Variants in FAM171B observed in about 807,000 individuals in gnomAD.
The protein encoded by FAM171B is family with sequence similarity 171 member B.
In FAM171B, 19 loss-of-function variants were observed where a neutral mutation model predicts 75.6. That is an observed-to-expected ratio of 0.25 (90% CI 0.18 to 0.37). The LOEUF (loss-of-function observed/expected upper bound fraction) is 0.37. Among genes scored for constraint, FAM171B ranks in the 10% least tolerant of loss-of-function variants. FAM171B has a pLI of 1.00. For missense variants in FAM171B, 848 were observed against 982.4 expected (o/e 0.86, Z 1.83); for synonymous variants, 367 against 361.7 (o/e 1.01, Z -0.17).
chr2:186,741,468 A>T (rs529730372), intron 2 of FAM171B, among the ~76,000 whole-genome samples: 2 of 152,248 alleles, frequency 1.3e-5, no homozygotes, highest in Non-Finnish European at 2.9e-5. Context: ...TAAAGAATTC[A>T]TACAAATCAA....
chr2:186,708,252 C>A (rs529720371), intron 1 of FAM171B, among the ~76,000 whole-genome samples: 1 of 152,036 alleles, frequency 6.6e-6, no homozygotes, highest in Non-Finnish European at 1.5e-5. Context: ...ATACCTGCTT[C>A]GAAAAGCAAA....
At chr2:186,726,998 ATC>A in intron 1 of FAM171B, among the ~76,000 whole-genome samples, 1 of 151,868 alleles carries the variant, frequency 6.6e-6, no homozygotes, top group East Asian at 1.9e-4. Context: ...GCCACTTCTG[ATC>A]TCTTTCTCCT....
Position 186,743,424 on chromosome 2 carries a change from G to T in FAM171B, c.473-59G>T. 6 of 1,173,012 alleles carry T rather than the reference G, an allele frequency of 5.1e-6. No individual in the cohort carries two copies. In the South Asian group the frequency reaches 6.5e-5, roughly 13 times the overall value. The allele number at this position is 1,173,012 out of a possible 1,614,324, so 72.7% of individuals were successfully genotyped here. A position where few individuals can be genotyped will look rare whatever the true frequency, so the allele number is the denominator to read the frequency against. ...GACTTGCTGTTACAGAACTATATTT[G>T]TCCTAGTTTTTTTCCCCTCACATTA... is the stretch of plus-strand genomic sequence containing the variant. On this transcript the variant is annotated intron_variant, in intron 2 of 7. Transcript: ENST00000304698.
Position 186,761,168 on chromosome 2 carries a change from T to TA in FAM171B, c.1069dup (p.Thr357AsnfsTer38). ...TAACTGCCTACCACACAGTGTTTCT[T>TA]ACAGCCATATTAGGAGGAACAATAG... is the stretch of plus-strand genomic sequence containing the variant. On this transcript the variant is annotated frameshift_variant, in exon 7 of 8. Transcript: ENST00000304698. LOFTEE classifies it high-confidence loss of function. 1 of 1,612,674 alleles carries TA rather than the reference T, an allele frequency of 6.2e-7. No individual in the cohort carries two copies. Among genetic ancestry groups the TA allele is most frequent in the Non-Finnish European group, 8.5e-7 (1 of 1,179,174 alleles).
chr2:186,753,839 C>T (rs1690492473), intron 5 of FAM171B, 94 bp from the exon 6 acceptor site: 1 of 886,750 alleles, frequency 1.1e-6, no homozygotes, highest in African/African-American at 1.7e-5. Context: ...CCACAGTTTT[C>T]ATAATCTTTG....
At chr2:186,710,468 G>A (rs1321664718) in intron 1 of FAM171B, among the ~76,000 whole-genome samples, 1 of 152,116 alleles carries the variant, frequency 6.6e-6, no homozygotes, top group Non-Finnish European at 1.5e-5. Context: ...CCAACTTGGA[G>A]GGCATGGAAT....
chr2:186,762,773 A>T lies in FAM171B; in HGVS notation c.2431A>T (p.Thr811Ser). Residue 811 changes from threonine to serine, a missense_variant, in exon 8 of 8, where the codon ACT (threonine) becomes TCT (serine). By Grantham distance (58) the Thr-to-Ser change is moderately conservative. This residue lies in a region of FAM171B where 136 missense variants were observed against 159.3 expected (regional missense o/e 0.85). Transcript: ENST00000304698. This position sits in a 1 kb window ranked among gnomAD's most constrained non-coding sequence, Gnocchi z 4.0. ...RPPLAKRDSK[T>S]NIWKKREERP... ...ACCACTAGCCAAAAGAGATAGCAAG[A>T]CTAACATCTGGAAGAAGCGAGAGGA... 6.2e-7 allele frequency: 1 copy of T among 1,613,252 alleles called. No individual in the cohort carries two copies.
intron 1 of FAM171B, among the ~76,000 whole-genome samples, chr2:186,701,238 G>T (rs1689655959): frequency 6.6e-6 from 1 of 151,994 alleles, no homozygotes; most frequent in Non-Finnish European, 1.5e-5. Context: ...TTTTTAAATT[G>T]TACATATTAT....
At chr2:186,757,461 G>C (rs1437869568) in intron 6 of FAM171B, among the ~76,000 whole-genome samples, 1 of 151,958 alleles carries the variant, frequency 6.6e-6, no homozygotes, top group Non-Finnish European at 1.5e-5. Flanking sequence ...AATATTTTAG[G>C]ATGTATTACT....
At chr2:186,723,640 CT>C (rs1228851271) in intron 1 of FAM171B, among the ~76,000 whole-genome samples, 4 of 151,984 alleles carry the variant, frequency 2.6e-5, no homozygotes, top group Admixed American at 6.6e-5. Context: ...ATTTTAAATC[CT>C]TTTTTAACCT....
rs559003600 is a variant in FAM171B, at chr2:186,740,042, T to C, written c.239-186T>C. Among the ~76,000 whole-genome samples, 3 of 152,356 alleles carry C rather than the reference T, an allele frequency of 2.0e-5. No homozygotes were observed. In the South Asian group the frequency reaches 6.2e-4, roughly 32 times the overall value. ...GAAATGTTGCTATGGAGCACTTAACTGTATTGAAATTTATTTCGTTTTACA... is the reference window on the plus strand; with the variant it reads ...GAAATGTTGCTATGGAGCACTTAACCGTATTGAAATTTATTTCGTTTTACA... On this transcript the variant is annotated intron_variant, in intron 1 of 7. Transcript: ENST00000304698.
intron 5 of FAM171B, among the ~76,000 whole-genome samples, chr2:186,751,852 G>T (rs1690459701): frequency 6.6e-6 from 1 of 152,036 alleles, no homozygotes; most frequent in African/African-American, 2.4e-5. Context: ...TGTAAATAAG[G>T]TAGGAGTGTA....
chr2:186,738,026 G>T (rs1375978183), intron 1 of FAM171B, among the ~76,000 whole-genome samples: 1 of 152,186 alleles, frequency 6.6e-6, no homozygotes, highest in Admixed American at 6.5e-5. Flanking sequence ...TCTGTGTTGG[G>T]TGCTGGCATC....
intron 1 of FAM171B, among the ~76,000 whole-genome samples, chr2:186,702,635 C>T (rs1689679239): frequency 6.6e-6 from 1 of 152,040 alleles, no homozygotes; most frequent in African/African-American, 2.4e-5. Flanking sequence ...TTTATTTGGG[C>T]CTAAAATGAG....
At chr2:186,698,343 A>C (rs1367738089) in intron 1 of FAM171B, among the ~76,000 whole-genome samples, 1 of 152,128 alleles carries the variant, frequency 6.6e-6, no homozygotes, top group Non-Finnish European at 1.5e-5. Flanking sequence ...TATTTCAGTG[A>C]TATCTATTTT....
chr2:186,762,892 C>T lies in FAM171B; in HGVS notation c.*69C>T, dbSNP rs918593005. ...TTGCTTCTTGTTGTAAATTGCAGTA[C>T]GAACTTAAGAAAATGAGACTGAGCA... On this transcript the variant is annotated 3_prime_UTR_variant, in exon 8 of 8. Transcript: ENST00000304698. This position sits in a 1 kb window ranked among gnomAD's most constrained non-coding sequence, Gnocchi z 4.0. 21 of 1,528,084 alleles carry T rather than the reference C, an allele frequency of 1.4e-5. No individual in the cohort carries two copies. In the East Asian group the frequency reaches 2.3e-4, roughly 16 times the overall value. 94.7% of individuals were successfully genotyped at this position (1,528,084 alleles called of 1,614,324 possible). A position where few individuals can be genotyped will look rare whatever the true frequency, so the allele number is the denominator to read the frequency against.
intron 1 of FAM171B, among the ~76,000 whole-genome samples, chr2:186,705,580 T>C (rs1412170745): frequency 3.9e-5 from 6 of 152,172 alleles, no homozygotes; most frequent in African/African-American, 1.4e-4. Flanking sequence ...AAACCTACCA[T>C]GGTTAATTAA....
intron 5 of FAM171B, among the ~76,000 whole-genome samples, chr2:186,752,134 T>C (rs959009781): frequency 4.6e-5 from 7 of 152,214 alleles, no homozygotes; most frequent in African/African-American, 1.7e-4. Flanking sequence ...GAGCTATATA[T>C]AGCAGAAGCC....
At position 186,762,310 on chromosome 2, in the gene FAM171B, G is replaced by C; in HGVS notation, c.1968G>C (p.Gln656His). The C allele has an allele frequency of 6.2e-7, 1 of 1,613,646 alleles. No individual in the cohort carries two copies. The highest frequency in any genetic ancestry group is 8.5e-7 in the Non-Finnish European group (1 of 1,179,778). ...CGGAACTTCAAGGAATTTCAGAACAGACCCTCCTGGAGCTGTCCAAAGGAA... is the reference window on the plus strand; with the variant it reads ...CGGAACTTCAAGGAATTTCAGAACACACCCTCCTGGAGCTGTCCAAAGGAA... ...FSSELQGISE[Q>H]TLLELSKGKP... The change falls in exon 8 of 8, where the codon CAG becomes CAC. Residue 656 changes from glutamine to histidine, a missense_variant. Transcript: ENST00000304698. The surrounding 1 kb of genome is among the most constrained non-coding windows in gnomAD (Gnocchi z 4.0).
Sources: gnomAD v4.1 joint callset for allele counts (sites outside exome capture counted in the v4.1 genomes callset) on GRCh38, gnomAD v4.1.1 for gene constraint, gnomAD v4.1.1 regional missense constraint, Gnocchi (gnomAD v3.1) non-coding constraint, MANE v1.5 for transcripts, NCBI Gene and HGNC (gene_info 2026-07-23, HGNC 2026-07-21) for gene names.